CLYBL: variants seen among roughly 807,000 people sequenced by gnomAD.
CLYBL encodes the protein citramalyl-CoA lyase.
Under a neutral mutation model 38.9 loss-of-function variants are expected in CLYBL, and 31 were observed. That is an observed-to-expected ratio of 0.80 (90% CI 0.60 to 1.08). The LOEUF (loss-of-function observed/expected upper bound fraction) is 1.08. Among genes scored for constraint, CLYBL ranks in the 50% least tolerant of loss-of-function variants. CLYBL has a pLI of 0.00. For missense variants in CLYBL, 434 were observed against 411.6 expected, an observed-to-expected ratio of 1.05 and a Z score of -0.47; for synonymous variants, 171 against 158.6, an observed-to-expected ratio of 1.08 and a Z score of -0.59.
chr13:99,755,563 C>T (rs887072714), intron 1 of CLYBL, among the ~76,000 whole-genome samples: 1 of 152,182 alleles, frequency 6.6e-6, no homozygotes, highest in Non-Finnish European at 1.5e-5. Context: ...TGACAGCTCC[C>T]TTGCAGGCAC....
chr13:99,877,282 G>A (rs112209141), intron 7 of CLYBL, among the ~76,000 whole-genome samples: 2 of 152,310 alleles, frequency 1.3e-5, no homozygotes, highest in African/African-American at 4.8e-5. Context: ...ATGGCCAGGA[G>A]AGGATCATTT....
At position 99,828,548 on chromosome 13, in the gene CLYBL, T is replaced by G. The variant is rs9585236; in HGVS notation, c.250-30313T>G. On this transcript the variant is annotated intron_variant, in intron 2 of 8. Coordinates refer to ENST00000339105, the MANE Select transcript of CLYBL (RefSeq NM_206808.5). ...AACTAATTAAAAGGGAAATGTCCTA[T>G]TTTGTAAAGAGCAGCATTTCTACAT... Among the ~76,000 whole-genome samples the G allele has an allele frequency of 2.1e-3, 322 of 152,346 alleles. 2 individuals carry two copies. Among genetic ancestry groups the G allele is most frequent in the African/African-American group, 7.5e-3 (310 of 41,584 alleles).
At chr13:99,731,116 TTGGAG>T (rs1254480205) in intron 1 of CLYBL, among the ~76,000 whole-genome samples, 52 of 144,486 alleles carry the variant, frequency 3.6e-4, no homozygotes, top group Non-Finnish European at 1.5e-4. Flanking sequence ...AGGCGGGGGC[TTGGAG>T]AGGAGAGGAG....
intron 2 of CLYBL, among the ~76,000 whole-genome samples, chr13:99,779,401 A>G (rs1206002210): frequency 6.6e-6 from 1 of 152,158 alleles, no homozygotes; most frequent in African/African-American, 2.4e-5. Flanking sequence ...CGGCCTCCCA[A>G]AGTGCAGGGA....
At chr13:99,835,795 C>G (rs903837320) in intron 2 of CLYBL, among the ~76,000 whole-genome samples, 3 of 152,090 alleles carry the variant, frequency 2.0e-5, no homozygotes, top group Non-Finnish European at 4.4e-5. Flanking sequence ...AATCCCAGAC[C>G]CAGGTAAGAG....
intron 1 of CLYBL, among the ~76,000 whole-genome samples, chr13:99,696,349 C>G (rs1369241816): frequency 6.6e-6 from 1 of 151,882 alleles, no homozygotes; most frequent in Non-Finnish European, 1.5e-5. Context: ...CCCACCTCAG[C>G]CTCCTGAATA....
chr13:99,640,788 C>T (rs1032508598), intron 1 of CLYBL, among the ~76,000 whole-genome samples: 5 of 152,200 alleles, frequency 3.3e-5, no homozygotes, highest in Non-Finnish European at 5.9e-5. Flanking sequence ...TTTTGTCTTA[C>T]GACCAATAGG....
chr13:99,614,776 G>A (rs74114816), intron 1 of CLYBL, among the ~76,000 whole-genome samples: 1 of 152,108 alleles, frequency 6.6e-6, no homozygotes, highest in Non-Finnish European at 1.5e-5. Flanking sequence ...GGAGTCAGGG[G>A]GGGAGGCCGG....
At chr13:99,693,984 G>A (rs2047944098) in intron 1 of CLYBL, among the ~76,000 whole-genome samples, 1 of 152,150 alleles carries the variant, frequency 6.6e-6, no homozygotes. Flanking sequence ...AGTCGTAATT[G>A]CCCAAATTTA....
chr13:99,685,710 C>A (rs1243511072), intron 1 of CLYBL, among the ~76,000 whole-genome samples: 1 of 152,046 alleles, frequency 6.6e-6, no homozygotes, highest in East Asian at 1.9e-4. Flanking sequence ...GCCTGTAATC[C>A]CAGCACTTTG....
At chr13:99,620,794 AAGAGAGAGAGAGAAAGAG>A (rs1566590573) in intron 1 of CLYBL, among the ~76,000 whole-genome samples, 3 of 147,986 alleles carry the variant, frequency 2.0e-5, no homozygotes, top group South Asian at 2.1e-4. Flanking sequence ...AAGAAAGAAA[AAGAGAGAGAGAGAAAGAG>A]AGAGAGAGAG....
At chr13:99,828,217 G>A (rs2050735512) in intron 2 of CLYBL, among the ~76,000 whole-genome samples, 1 of 152,174 alleles carries the variant, frequency 6.6e-6, no homozygotes, top group Non-Finnish European at 1.5e-5. Context: ...AAGGAGGCAG[G>A]AAGAGCCACA....
intron 7 of CLYBL, among the ~76,000 whole-genome samples, chr13:99,880,221 C>G (rs2052168636): frequency 6.6e-6 from 1 of 151,856 alleles, no homozygotes; most frequent in African/African-American, 2.4e-5. Flanking sequence ...GCGCATGCCA[C>G]TATGCCCGGC....
chr13:99,725,411 T>C (rs1228810034), intron 1 of CLYBL, among the ~76,000 whole-genome samples: 1 of 152,180 alleles, frequency 6.6e-6, no homozygotes, highest in African/African-American at 2.4e-5. Context: ...ATGTGAGCTT[T>C]CACTGGGGCT....
intron 1 of CLYBL, among the ~76,000 whole-genome samples, chr13:99,634,648 G>A (rs1259046903): frequency 6.7e-6 from 1 of 148,932 alleles, no homozygotes; most frequent in Non-Finnish European, 1.5e-5. Context: ...ATTTTTTAAT[G>A]TGGATGTATT....
At chr13:99,694,632 G>T (rs1009775971) in intron 1 of CLYBL, among the ~76,000 whole-genome samples, 4 of 152,114 alleles carry the variant, frequency 2.6e-5, no homozygotes, top group Non-Finnish European at 4.4e-5. Context: ...CAGATTGCTG[G>T]CCCGCTTGCT....
chr13:99,891,127 T>C (rs1031351077), intron 7 of CLYBL, among the ~76,000 whole-genome samples, 191 bp from the exon 8 acceptor site: 3 of 152,134 alleles, frequency 2.0e-5, no homozygotes, highest in African/African-American at 7.2e-5. Flanking sequence ...AGATTTTTAT[T>C]TTTTTCCCCT....
chr13:99,865,818 G>A lies in CLYBL; in HGVS notation c.635-422G>A, dbSNP rs118080864. 0.032 allele frequency among the ~76,000 whole-genome samples: 4,819 copies of A among 152,224 alleles called. 106 individuals carry two copies. Among genetic ancestry groups the A allele is most frequent in the East Asian group, 0.097 (499 of 5,168 alleles). On this transcript the variant is annotated intron_variant, in intron 5 of 8. Transcript: ENST00000339105. This position sits in a 1 kb window ranked among gnomAD's most constrained non-coding sequence, Gnocchi z 4.7. ...GAACTTCAGTTTGGACAGGGCAATC[G>A]CAGCACACACAGTTCTGTGCTTGCT... is the stretch of plus-strand genomic sequence containing the variant.
chr13:99,710,560 A>G (rs529035814), intron 1 of CLYBL, among the ~76,000 whole-genome samples: 2 of 152,296 alleles, frequency 1.3e-5, no homozygotes, highest in South Asian at 2.1e-4. Flanking sequence ...AAAAGGGGCT[A>G]TATTTCCAGG....
Sources: allele counts gnomAD v4.1 joint callset (sites outside exome capture counted in the v4.1 genomes callset), GRCh38; gene constraint gnomAD v4.1.1; non-coding constraint Gnocchi (gnomAD v3.1); transcripts MANE v1.5; gene names NCBI Gene and HGNC (gene_info 2026-07-23, HGNC 2026-07-21).